Variants in ATP2B1 observed in about 807,000 individuals in gnomAD.
ATP2B1 encodes the protein ATPase plasma membrane Ca2+ transporting 1, also known as plasma membrane calcium-transporting ATPase 1.
A neutral mutation model predicts 124.2 loss-of-function variants in ATP2B1; 14 were observed. The ratio of observed to expected loss-of-function variants is 0.11; its 90% CI spans 0.07 to 0.18. The LOEUF (loss-of-function observed/expected upper bound fraction) is 0.18, where lower values mean the gene tolerates loss of function less well. Ranked by LOEUF, ATP2B1 falls within the 10% of genes least tolerant of loss-of-function variation. The probability of loss-of-function intolerance (pLI) is 1.00; values close to 1 mark genes in which losing one functional copy is unlikely to be tolerated. For synonymous variants in ATP2B1, 449 were observed against 492.4 expected (o/e 0.91, Z 1.17); for missense variants, 763 against 1,466.1 (o/e 0.52, Z 7.83).
At chr12:89,654,140 C>T (rs560386418) in intron 2 of ATP2B1, among the ~76,000 whole-genome samples, 2 of 152,126 alleles carry the variant, frequency 1.3e-5, no homozygotes, top group African/African-American at 2.4e-5. Context: ...TATAACATCT[C>T]AAAGTCGGTT....
At chr12:89,626,347 T>A in intron 8 of ATP2B1, 107 bp downstream of exon 8, 1 of 1,212,998 alleles carries the variant, frequency 8.2e-7, no homozygotes, top group South Asian at 1.6e-5. Flanking sequence ...AAACTCCCCT[T>A]CTATTCACAA....
intron 2 of ATP2B1, among the ~76,000 whole-genome samples, chr12:89,645,358 CATATTTACTGA>C (rs1256282339): frequency 6.6e-6 from 1 of 152,188 alleles, no homozygotes; most frequent in African/African-American, 2.4e-5. Flanking sequence ...TTTCCCAATA[CATATTTACTGA>C]ATATTTACTA....
At chr12:89,676,794 C>T (rs1888662420) in intron 1 of ATP2B1, among the ~76,000 whole-genome samples, 2 of 152,180 alleles carry the variant, frequency 1.3e-5, no homozygotes, top group South Asian at 4.1e-4. Context: ...GTTCTGGCTC[C>T]ACAGTCTTAC....
chr12:89,704,969 C>T (rs1040220032), intron 1 of ATP2B1, among the ~76,000 whole-genome samples: 1 of 152,070 alleles, frequency 6.6e-6, no homozygotes, highest in Non-Finnish European at 1.5e-5. Context: ...TGTCCTATGT[C>T]CCCATTTATA....
intron 1 of ATP2B1, among the ~76,000 whole-genome samples, chr12:89,698,768 T>C (rs1473039773): frequency 2.6e-5 from 4 of 152,202 alleles, no homozygotes; most frequent in Admixed American, 1.3e-4. Flanking sequence ...ACAGCCAATG[T>C]CCGATTCTTG....
At chr12:89,630,727 GTTT>G (rs1881714588) in intron 5 of ATP2B1, 82 bp from the exon 6 acceptor site, 1 of 855,076 alleles carries the variant, frequency 1.2e-6, no homozygotes, top group Non-Finnish European at 1.6e-6. Flanking sequence ...CAGTAATATT[GTTT>G]TTAACAGCCT....
chr12:89,646,681 C>T (rs921503958), intron 2 of ATP2B1, among the ~76,000 whole-genome samples: 5 of 152,068 alleles, frequency 3.3e-5, no homozygotes, highest in Admixed American at 6.6e-5. Context: ...TCCAGTGCAA[C>T]GGTGTGGAAG....
At chr12:89,679,875 C>A (rs1351649144) in intron 1 of ATP2B1, among the ~76,000 whole-genome samples, 1 of 152,020 alleles carries the variant, frequency 6.6e-6, no homozygotes, top group Admixed American at 6.6e-5. Context: ...GCGGAAATGG[C>A]AGGCACAATT....
At chr12:89,605,201 A>G (rs1310957999) in intron 15 of ATP2B1, among the ~76,000 whole-genome samples, 1 of 152,186 alleles carries the variant, frequency 6.6e-6, no homozygotes, top group Non-Finnish European at 1.5e-5. Flanking sequence ...CAAGGCAGTA[A>G]TTAGAAGGGA....
intron 11 of ATP2B1, among the ~76,000 whole-genome samples, chr12:89,618,374 T>C (rs1166345106): frequency 6.6e-6 from 1 of 152,206 alleles, no homozygotes; most frequent in Non-Finnish European, 1.5e-5. Context: ...TCACCCGCTT[T>C]CTCAGATGAG....
intron 1 of ATP2B1, among the ~76,000 whole-genome samples, chr12:89,692,098 T>A (rs1418649889): frequency 6.6e-6 from 1 of 152,092 alleles, no homozygotes; most frequent in Non-Finnish European, 1.5e-5. Flanking sequence ...GAAATTCTAA[T>A]GAAACCTATA....
At chr12:89,658,645 G>GAT (rs1490840837) in intron 1 of ATP2B1, among the ~76,000 whole-genome samples, 9 of 138,084 alleles carry the variant, frequency 6.5e-5, no homozygotes, top group African/African-American at 2.4e-4. Context: ...GAGAGAGAGA[G>GAT]AGATAGAGAT....
chr12:89,640,344 T>C (rs1011680348), intron 3 of ATP2B1, among the ~76,000 whole-genome samples: 5 of 152,188 alleles, frequency 3.3e-5, no homozygotes, highest in Non-Finnish European at 5.9e-5. Context: ...TCTATAGTGA[T>C]TTTCAACCAG....
chr12:89,653,824 T>C (rs1885612946), intron 2 of ATP2B1, among the ~76,000 whole-genome samples: 2 of 152,192 alleles, frequency 1.3e-5, no homozygotes, highest in African/African-American at 2.4e-5. Context: ...AAATCATGTC[T>C]ATAAAAATGA....
rs61256358 is a variant in ATP2B1 at position 89,677,954 on chromosome 12, T to TTATATATA, written c.-221-21855_-221-21848dup. ...TCAGGGGGTTGGGGGCATGCAGGAA[T>TTATATATA]TATATATATATATATATACACACAC... On this transcript the variant is annotated intron_variant, in intron 1 of 20. Coordinates refer to ENST00000428670, the MANE Select transcript of ATP2B1 (RefSeq NM_001366521.1). 7.9e-4 allele frequency among the ~76,000 whole-genome samples: 54 copies of TTATATATA among 68,732 alleles called. 2 individuals are homozygous for TTATATATA. Among genetic ancestry groups the TTATATATA allele is most frequent in the African/African-American group, 3.2e-3 (50 of 15,698 alleles). The allele number at this position is 68,732 out of a possible 152,430, so 45.1% of individuals were successfully genotyped here. A position where few individuals can be genotyped will look rare whatever the true frequency, so the allele number is the denominator to read the frequency against.
At position 89,588,305 on chromosome 12, in the gene ATP2B1, A is replaced by G. The variant is rs2135817086; in HGVS notation, c.*2679T>C. 1 of 152,712 alleles carries G rather than the reference A, an allele frequency of 6.5e-6. No homozygotes were observed. Among genetic ancestry groups the G allele is most frequent in the South Asian group, 2.1e-4 (1 of 4,834 alleles). The allele number at this position is 152,712 out of a possible 1,614,324, so 9.5% of individuals were successfully genotyped here. A position where few individuals can be genotyped will look rare whatever the true frequency, so the allele number is the denominator to read the frequency against. On this transcript the variant is annotated 3_prime_UTR_variant, in exon 21 of 21. Coordinates refer to ENST00000428670, the MANE Select transcript of ATP2B1 (RefSeq NM_001366521.1). ...TTCAAAACTGACATCTGTTATGAAAATTACCATATCACATATTTGTAAGAT... is the reference window on the plus strand; with the variant it reads ...TTCAAAACTGACATCTGTTATGAAAGTTACCATATCACATATTTGTAAGAT...
Position 89,603,002 on chromosome 12 carries a change from T to C in ATP2B1, c.3060+41A>G. On this transcript the variant is annotated intron_variant, in intron 18 of 20. Coordinates refer to ENST00000428670, the MANE Select transcript of ATP2B1 (RefSeq NM_001366521.1). The surrounding 1 kb of genome is among the most constrained non-coding windows in gnomAD (Gnocchi z 4.3). ...CAAGCTGTTTACCTAATGTCTCCCA[T>C]TTAACAGGCAAATTTGAAACTATCT... The C allele has an allele frequency of 6.3e-7, 1 of 1,582,914 alleles. No homozygotes were observed.
intron 3 of ATP2B1, chr12:89,641,828 T>C (rs1165581985): frequency 5.7e-6 from 1 of 175,350 alleles, no homozygotes; most frequent in Non-Finnish European, 1.2e-5. Flanking sequence ...AAACTGAAAT[T>C]GTTTCACAGT....
chr12:89,616,835 A>C lies in ATP2B1; in HGVS notation c.2034T>G (p.Ala678=). The C allele has an allele frequency of 1.2e-6, 2 of 1,613,998 alleles. No individual in the cohort carries two copies. Among genetic ancestry groups the C allele is most frequent in the Non-Finnish European group, 1.7e-6 (2 of 1,179,902 alleles). Residue 678 remains alanine, a synonymous_variant, in exon 12 of 21, where the codon GCT becomes GCG. Transcript: ENST00000428670. ...NDIVTGLTCI[A]VVGIEDPVRP... ...TCACAGGATCTTCAATCCCCACAAC[A>C]GCAATGCATGTAAGGCCGGTGACAA...
Sources: gnomAD v4.1 joint callset for allele counts (sites outside exome capture counted in the v4.1 genomes callset) on GRCh38, gnomAD v4.1.1 for gene constraint, Gnocchi (gnomAD v3.1) non-coding constraint, MANE v1.5 for transcripts, NCBI Gene and HGNC (gene_info 2026-07-23, HGNC 2026-07-21) for gene names.